Variants in MEIS2 observed in about 807,000 individuals in gnomAD.
MEIS2 encodes homeobox protein Meis2.
MEIS2 carries 9 observed loss-of-function variants against 58.6 expected under a neutral mutation model. The observed-to-expected ratio is 0.15, with a 90% CI of 0.09 to 0.27. The LOEUF is 0.27. Ranked by LOEUF, MEIS2 falls within the 10% of genes least tolerant of loss-of-function variation. The pLI is 1.00. For synonymous variants in MEIS2, 221 were observed against 228.4 expected (o/e 0.97, Z 0.29); for missense variants, 427 against 635.0 (o/e 0.67, Z 3.52).
At position 36,895,093 on chromosome 15, in the gene MEIS2, G is replaced by A; in HGVS notation, c.1147+58C>T. ...GTGGGATAGTAGAGTGGATGGAGAGGCTGGTGGAGCAGGTGGCACTTCCCA... is the reference window on the plus strand; with the variant it reads ...GTGGGATAGTAGAGTGGATGGAGAGACTGGTGGAGCAGGTGGCACTTCCCA... On this transcript the variant is annotated intron_variant, in intron 11 of 11. Coordinates refer to ENST00000561208, the MANE Select transcript of MEIS2 (RefSeq NM_170675.5). 5 of 1,375,274 alleles carry A rather than the reference G, an allele frequency of 3.6e-6. No homozygotes were observed. The South Asian group carries it at 5.9e-5, about 16-fold the overall frequency. 85.2% of individuals were successfully genotyped at this position (1,375,274 alleles called of 1,614,324 possible).
chr15:37,047,958 A>AT (rs2062743985), intron 7 of MEIS2, among the ~76,000 whole-genome samples: 1 of 152,230 alleles, frequency 6.6e-6, no homozygotes, highest in Non-Finnish European at 1.5e-5. Flanking sequence ...GTCACACAAA[A>AT]TGTCCTTCTG....
intron 8 of MEIS2, among the ~76,000 whole-genome samples, chr15:36,962,838 A>G (rs1306358567): frequency 6.6e-6 from 1 of 152,288 alleles, no homozygotes; most frequent in Admixed American, 6.5e-5. Context: ...ATGGCAAGAA[A>G]TAAGCCAGAA....
At chr15:36,996,400 A>T (rs2060521703) in intron 8 of MEIS2, among the ~76,000 whole-genome samples, 2 of 152,112 alleles carry the variant, frequency 1.3e-5, no homozygotes, top group African/African-American at 4.8e-5. Flanking sequence ...CACTAGTCAA[A>T]CTGTTCCTCC....
At chr15:36,920,006 A>T (rs1444501683) in intron 9 of MEIS2, among the ~76,000 whole-genome samples, 1 of 152,222 alleles carries the variant, frequency 6.6e-6, no homozygotes, top group Non-Finnish European at 1.5e-5. Flanking sequence ...AGGATGAAGG[A>T]AGTTAAACTA....
At chr15:36,907,868 C>A (rs1443685439) in intron 9 of MEIS2, among the ~76,000 whole-genome samples, 3 of 151,844 alleles carry the variant, frequency 2.0e-5, no homozygotes, top group African/African-American at 7.3e-5. Flanking sequence ...TATATTCTTT[C>A]TGTTTAAACC....
intron 6 of MEIS2, among the ~76,000 whole-genome samples, chr15:37,089,964 T>C (rs1245401124): frequency 6.6e-6 from 1 of 152,164 alleles, no homozygotes; most frequent in East Asian, 1.9e-4. Flanking sequence ...AAAAAGCTGG[T>C]CATTTCACAG....
rs751172831 is a variant in MEIS2, at chr15:37,093,674, T to C, written c.546A>G (p.Lys182=). ...CATCAATGACGAGGTCGATGGGCAT[T>C]TTCCCCTTCAAACAGCTAATGTATC... ...CHRYISCLKG[K]MPIDLVIDER... Residue 182 remains lysine, a synonymous_variant, in exon 6 of 12, where the codon AAA becomes AAG. Coordinates refer to ENST00000561208, the MANE Select transcript of MEIS2 (RefSeq NM_170675.5). 4 of 1,614,136 alleles carry C rather than the reference T, an allele frequency of 2.5e-6. No individual in the cohort carries two copies. In the South Asian group the frequency reaches 3.3e-5, roughly 13 times the overall value.
At chr15:37,044,862 T>C (rs968298206) in intron 7 of MEIS2, among the ~76,000 whole-genome samples, 3 of 152,178 alleles carry the variant, frequency 2.0e-5, no homozygotes, top group Non-Finnish European at 4.4e-5. Flanking sequence ...TCCCAAGCCC[T>C]GAGAAAGAGT....
At chr15:37,094,085 C>T (rs1473680627) in intron 5 of MEIS2, 2 of 231,388 alleles carry the variant, frequency 8.6e-6, no homozygotes, top group Non-Finnish European at 1.5e-5. Flanking sequence ...AGAGCATTAA[C>T]GTTTGTGATT....
chr15:36,947,201 G>T (rs1410173724), intron 9 of MEIS2, among the ~76,000 whole-genome samples: 2 of 151,932 alleles, frequency 1.3e-5, no homozygotes, highest in African/African-American at 4.8e-5. Flanking sequence ...AGGAAAAAAT[G>T]ACTGAGTGTC....
intron 8 of MEIS2, among the ~76,000 whole-genome samples, chr15:36,994,583 A>C (rs1185639763): frequency 6.6e-6 from 1 of 152,186 alleles, no homozygotes; most frequent in Non-Finnish European, 1.5e-5. Flanking sequence ...TTTGAAGTTG[A>C]AATAATTAGA....
chr15:36,956,378 T>C (rs2058975516), intron 8 of MEIS2, among the ~76,000 whole-genome samples: 1 of 152,088 alleles, frequency 6.6e-6, no homozygotes, highest in Non-Finnish European at 1.5e-5. Flanking sequence ...ACTTTTCCAC[T>C]CTAACATTAA....
intron 7 of MEIS2, among the ~76,000 whole-genome samples, chr15:37,042,155 A>G (rs1270512874): frequency 1.3e-5 from 2 of 152,234 alleles, no homozygotes; most frequent in Non-Finnish European, 2.9e-5. Context: ...TATCTCAAAA[A>G]GAAAGGAAAA....
intron 8 of MEIS2, among the ~76,000 whole-genome samples, chr15:36,965,596 C>A (rs963833051): frequency 1.3e-5 from 2 of 152,178 alleles, no homozygotes; most frequent in African/African-American, 4.8e-5. Context: ...ATAGTTCCAC[C>A]ATTAGGTCAG....
intron 8 of MEIS2, among the ~76,000 whole-genome samples, chr15:37,032,355 C>T (rs1343998210): frequency 2.0e-5 from 3 of 152,292 alleles, no homozygotes; most frequent in African/African-American, 7.2e-5. Context: ...TAATTGAGCA[C>T]ATTAAGGGCT....
At chr15:37,060,710 G>C (rs142113371) in intron 7 of MEIS2, among the ~76,000 whole-genome samples, 6 of 152,182 alleles carry the variant, frequency 3.9e-5, no homozygotes, top group Admixed American at 6.5e-5. Flanking sequence ...TTATGATCTC[G>C]TAATGATTCT....
intron 8 of MEIS2, among the ~76,000 whole-genome samples, chr15:36,991,850 G>C (rs370834977): frequency 2.0e-4 from 25 of 124,972 alleles, no homozygotes; most frequent in African/African-American, 5.9e-4. Flanking sequence ...TGCAGTGGCG[G>C]GATCTCGGCT....
intron 9 of MEIS2, 62 bp downstream of exon 9, chr15:36,950,262 A>G (rs2058710100): frequency 1.5e-6 from 2 of 1,373,932 alleles, no homozygotes; most frequent in Non-Finnish European, 2.0e-6. Flanking sequence ...AAGAGAGAAA[A>G]CCATTATTTA....
At chr15:36,922,001 C>G (rs2057530839) in intron 9 of MEIS2, among the ~76,000 whole-genome samples, 1 of 152,186 alleles carries the variant, frequency 6.6e-6, no homozygotes, top group Non-Finnish European at 1.5e-5. Context: ...CTGATGTGGA[C>G]TGATATGGAA....
Sources: allele counts gnomAD v4.1 joint callset (sites outside exome capture counted in the v4.1 genomes callset), GRCh38; gene constraint gnomAD v4.1.1; transcripts MANE v1.5; gene names NCBI Gene and HGNC (gene_info 2026-07-23, HGNC 2026-07-21).